SUSD6: variants seen among roughly 807,000 people sequenced by gnomAD.
SUSD6 encodes the protein sushi domain containing 6, also known as sushi domain-containing protein 6.
A neutral mutation model predicts 28.4 loss-of-function variants in SUSD6; 16 were observed. The observed-to-expected ratio is 0.56, with a 90% CI of 0.38 to 0.86. The LOEUF (loss-of-function observed/expected upper bound fraction) is 0.86. Ranked by LOEUF, SUSD6 falls within the 40% of genes least tolerant of loss-of-function variation. SUSD6 has a pLI of 0.00. For missense variants in SUSD6, 341 were observed against 384.2 expected (o/e 0.89, Z 0.94); for synonymous variants, 147 against 159.6 (o/e 0.92, Z 0.59).
At chr14:69,649,296 C>T (rs141985020) in intron 1 of SUSD6, among the ~76,000 whole-genome samples, 7 of 152,184 alleles carry the variant, frequency 4.6e-5, no homozygotes, top group East Asian at 1.9e-4. Flanking sequence ...GACACAGAGC[C>T]CTAAGAAGTC....
Position 69,707,362 on chromosome 14 carries a change from T to C in SUSD6, c.459-1315T>C, listed in dbSNP as rs182314950. On this transcript the variant is annotated intron_variant, in intron 4 of 5. Coordinates refer to ENST00000342745, the MANE Select transcript of SUSD6 (RefSeq NM_014734.4). ...ACAAAAGTGATCCCCAAAAAAGATA[T>C]CCGCATGAATAAGCCTCACACGTAT... 7.3e-4 allele frequency among the ~76,000 whole-genome samples: 111 copies of C among 152,268 alleles called. No individual in the cohort carries two copies. In the Middle Eastern group the frequency reaches 0.014, roughly 19 times the overall value.
chr14:69,679,646 A>G (rs1885969321), intron 2 of SUSD6, among the ~76,000 whole-genome samples: 1 of 151,970 alleles, frequency 6.6e-6, no homozygotes. Flanking sequence ...GCCCAAAACA[A>G]TTCTTCTTTC....
chr14:69,641,212 C>T (rs1029953263), intron 1 of SUSD6, among the ~76,000 whole-genome samples: 9 of 152,088 alleles, frequency 5.9e-5, no homozygotes, highest in Non-Finnish European at 7.4e-5. Flanking sequence ...TTTAACATTT[C>T]GATTATGATG....
intron 2 of SUSD6, among the ~76,000 whole-genome samples, chr14:69,665,199 T>G (rs1885720737): frequency 6.6e-6 from 1 of 152,216 alleles, no homozygotes; most frequent in East Asian, 1.9e-4. Flanking sequence ...TCAGCTAATT[T>G]AACACATGAA....
In SUSD6 at chr14:69,714,576, TG is replaced by T. The variant is rs1354915600; in HGVS notation, c.*3599del. 1 of 152,270 alleles carries T rather than the reference TG, an allele frequency of 6.6e-6. No homozygotes were observed. The highest frequency in any genetic ancestry group is 1.5e-5 in the Non-Finnish European group (1 of 68,090). The allele number at this position is 152,270 out of a possible 1,614,324, so 9.4% of individuals were successfully genotyped here. Reference sequence around the variant, plus strand: ...CTCTCGGAATAGGGACAGTCCTTACTGGTGCCCCAAGGTGGGACTTGGAGAA... The same window carrying T: ...CTCTCGGAATAGGGACAGTCCTTACTGTGCCCCAAGGTGGGACTTGGAGAA... On this transcript the variant is annotated 3_prime_UTR_variant, in exon 6 of 6. Coordinates refer to ENST00000342745, the MANE Select transcript of SUSD6 (RefSeq NM_014734.4).
At chr14:69,685,328 C>T (rs772701991) in intron 2 of SUSD6, among the ~76,000 whole-genome samples, 34 of 152,222 alleles carry the variant, frequency 2.2e-4, no homozygotes, top group Non-Finnish European at 4.6e-4. Context: ...AGGAAGGAAC[C>T]ATTGTGCTAC....
rs1886426032 is a variant in SUSD6, at chr14:69,709,035, G to A, written c.817G>A (p.Glu273Lys). Reference protein sequence around the residue: ...GSGNRQLAHKETADSENSDIQ... With the variant: ...GSGNRQLAHKKTADSENSDIQ... ...AGGGAACCGCCAACTGGCACACAAA[G>A]AAACTGCAGATTCAGAGAACAGTGA... Residue 273 changes from glutamate (E) to lysine (K), a missense_variant, in exon 5 of 6, where the codon GAA becomes AAA. Physicochemically the swap from Glu to Lys is moderately conservative, Grantham distance 56. Coordinates refer to ENST00000342745, the MANE Select transcript of SUSD6 (RefSeq NM_014734.4). The A allele has an allele frequency of 6.2e-7, 1 of 1,613,836 alleles. No homozygotes were observed. The highest frequency in any genetic ancestry group is 1.3e-5 in the African/African-American group (1 of 74,922).
intron 1 of SUSD6, among the ~76,000 whole-genome samples, chr14:69,622,245 G>A (rs1365287821): frequency 1.3e-5 from 2 of 152,110 alleles, no homozygotes; most frequent in African/African-American, 4.8e-5. Flanking sequence ...GCTCGCTGCA[G>A]CCTTGACCTT....
At chr14:69,632,960 C>G (rs528774709) in intron 1 of SUSD6, among the ~76,000 whole-genome samples, 17 of 152,316 alleles carry the variant, frequency 1.1e-4, no homozygotes, top group African/African-American at 4.1e-4. Flanking sequence ...CAGGCTGTTT[C>G]AATCTCTCTT....
At chr14:69,648,559 T>C (rs1885460215) in intron 1 of SUSD6, among the ~76,000 whole-genome samples, 1 of 152,174 alleles carries the variant, frequency 6.6e-6, no homozygotes, top group Non-Finnish European at 1.5e-5. Context: ...TATTTTTAAA[T>C]AGGCAGCTTT....
chr14:69,642,045 G>A (rs1283665432), intron 1 of SUSD6, among the ~76,000 whole-genome samples: 1 of 152,142 alleles, frequency 6.6e-6, no homozygotes, highest in African/African-American at 2.4e-5. Context: ...ATCTGTTTCT[G>A]TTGTTTGATT....
At chr14:69,626,477 A>G (rs1885115705) in intron 1 of SUSD6, among the ~76,000 whole-genome samples, 4 of 152,134 alleles carry the variant, frequency 2.6e-5, no homozygotes, top group Non-Finnish European at 1.5e-5. Context: ...TGTGTTTCAA[A>G]TATTTCCTTT....
At chr14:69,701,350 T>G (rs1010914081) in intron 2 of SUSD6, among the ~76,000 whole-genome samples, 1 of 152,146 alleles carries the variant, frequency 6.6e-6, no homozygotes. Context: ...CCCCTGAGAC[T>G]GTCCTTCCCA....
chr14:69,619,236 T>A (rs1885000924), intron 1 of SUSD6, among the ~76,000 whole-genome samples: 1 of 152,160 alleles, frequency 6.6e-6, no homozygotes, highest in Non-Finnish European at 1.5e-5. Context: ...TAGTTTTGAG[T>A]CTAATAGTGA....
rs530506422 is a variant in SUSD6 at position 69,623,953 on chromosome 14, T to C, written c.-81+12125T>C. ...GTCACAGTAAGCTAAGGTTAATTTA[T>C]AGAAGAAAAAATTTTAAAAAATATG... On this transcript the variant is annotated intron_variant, in intron 1 of 5. Coordinates refer to ENST00000342745, the MANE Select transcript of SUSD6 (RefSeq NM_014734.4). Among the ~76,000 whole-genome samples the C allele has an allele frequency of 7.2e-5, 11 of 152,312 alleles. No homozygotes were observed. The South Asian group carries it at 2.1e-3, about 29-fold the overall frequency.
At chr14:69,698,284 C>G (rs549362476) in intron 2 of SUSD6, among the ~76,000 whole-genome samples, 1 of 152,152 alleles carries the variant, frequency 6.6e-6, no homozygotes, top group Non-Finnish European at 1.5e-5. Context: ...GCTGAGATTG[C>G]CACTGCACTC....
At chr14:69,671,476 T>C (rs139062300) in intron 2 of SUSD6, among the ~76,000 whole-genome samples, 1 of 152,288 alleles carries the variant, frequency 6.6e-6, no homozygotes, top group East Asian at 1.9e-4. Flanking sequence ...AGCCAACTCG[T>C]AGGAGGCATG....
At chr14:69,668,738 T>C (rs2139621418) in intron 2 of SUSD6, among the ~76,000 whole-genome samples, 1 of 152,244 alleles carries the variant, frequency 6.6e-6, no homozygotes, top group South Asian at 2.1e-4. Context: ...TGGGAGGTGT[T>C]TGGATCATGG....
chr14:69,686,516 G>T (rs528647418), intron 2 of SUSD6, among the ~76,000 whole-genome samples: 1 of 152,114 alleles, frequency 6.6e-6, no homozygotes, highest in Non-Finnish European at 1.5e-5. Flanking sequence ...CTGTTTTCAC[G>T]CTGCTGATAA....
Sources: allele counts gnomAD v4.1 joint callset (sites outside exome capture counted in the v4.1 genomes callset), GRCh38; gene constraint gnomAD v4.1.1; transcripts MANE v1.5; gene names NCBI Gene and HGNC (gene_info 2026-07-23, HGNC 2026-07-21).